SEC16A: variants seen among roughly 807,000 people sequenced by gnomAD.
The protein encoded by SEC16A is protein transport protein Sec16A.
A neutral mutation model predicts 221.9 loss-of-function variants in SEC16A; 110 were observed. The observed-to-expected ratio is 0.50, with a 90% CI of 0.42 to 0.58. The LOEUF is 0.58. Ranked by LOEUF, SEC16A falls within the 20% of genes least tolerant of loss-of-function variation. The pLI is 0.00. For synonymous variants in SEC16A, 1,393 were observed against 1,257.7 expected, an observed-to-expected ratio of 1.11 and a Z score of -2.28; for missense variants, 3,165 against 3,097.8, an observed-to-expected ratio of 1.02 and a Z score of -0.52.
At chr9:136,443,683 G>C in intron 31 of SEC16A, 140 bp downstream of exon 31, 1 of 611,666 alleles carries the variant, frequency 1.6e-6, no homozygotes, top group Middle Eastern at 4.6e-4. Context: ...GCAAGACCCT[G>C]TCTCAATAAA....
At position 136,463,723 on chromosome 9, in the gene SEC16A, C is replaced by T. The variant is rs1052181874; in HGVS notation, c.4464G>A (p.Thr1488=). Residue 1488 remains threonine, a synonymous_variant, in exon 10 of 32, where the codon ACG becomes ACA. Coordinates refer to ENST00000684901, the MANE Select transcript of SEC16A (RefSeq NM_014866.2). Reference sequence around the variant, plus strand: ...ACGCCCGCATCTCCTCCTGCTCAGACGTGTGCTGCAGCAAGGCCTACGAGG... The same window carrying T: ...ACGCCCGCATCTCCTCCTGCTCAGATGTGTGCTGCAGCAAGGCCTACGAGG... ...VHSMEALLQH[T]SEQEEMRAFP... is the part of the protein sequence containing the mutation. 1.4e-5 allele frequency: 22 copies of T among 1,612,098 alleles called. No homozygotes were observed. The highest frequency in any genetic ancestry group is 2.2e-5 in the South Asian group (2 of 91,030).
At chr9:136,482,478 C>T (rs1233416555) in intron 1 of SEC16A, among the ~76,000 whole-genome samples, 1 of 152,258 alleles carries the variant, frequency 6.6e-6, no homozygotes, top group African/African-American at 2.4e-5. Context: ...CCCTCGGCCT[C>T]TGTTGCAACA....
Position 136,475,307 on chromosome 9 carries a change from G to A in SEC16A, c.2309C>T (p.Ser770Leu). 2.5e-6 allele frequency: 4 copies of A among 1,613,254 alleles called. No homozygotes were observed. Among genetic ancestry groups the A allele is most frequent in the Non-Finnish European group, 2.5e-6 (3 of 1,179,586 alleles). The change falls in exon 3 of 32, where the codon TCA becomes TTA. Residue 770 changes from serine to leucine, a missense_variant. Physicochemically the swap from Ser to Leu is moderately radical, Grantham distance 145 (BLOSUM62 -2). This residue lies in a region of SEC16A where 2,030 missense variants were observed against 1,923.1 expected (regional missense o/e 1.06). Transcript: ENST00000684901. This position sits in a 1 kb window ranked among gnomAD's most constrained non-coding sequence, Gnocchi z 5.0. ...CGGGGCCGCCGAGCTTGGGTTCCGT[G>A]ACTGCTGCCCGGACATCGCCTCTTC... ...PPEEAMSGQQ[S>L]RNPSSAAPVQ...
At chr9:136,451,023 G>A (rs993600099) in intron 23 of SEC16A, among the ~76,000 whole-genome samples, 31 of 152,160 alleles carry the variant, frequency 2.0e-4, no homozygotes, top group African/African-American at 6.3e-4. Flanking sequence ...GGCCAGAGGC[G>A]ACCTCTGGGG....
intron 1 of SEC16A, among the ~76,000 whole-genome samples, chr9:136,480,299 G>A (rs1259390433): frequency 6.6e-6 from 1 of 152,164 alleles, no homozygotes; most frequent in African/African-American, 2.4e-5. Context: ...GCCAGAACTG[G>A]GGTCCTACCT....
At position 136,478,690 on chromosome 9, in the gene SEC16A, C is replaced by G. The variant is rs1841957249; in HGVS notation, c.-70+19G>C. Among the ~76,000 whole-genome samples, 1 of 151,746 alleles carries G rather than the reference C, an allele frequency of 6.6e-6. No homozygotes were observed. Among genetic ancestry groups the G allele is most frequent in the Admixed American group, 6.6e-5 (1 of 15,236 alleles). ...GTCTCTACAAAAGAAGAAAGTTAGC[C>G]AGACATGGTGGCACACACCTGTAGT... On this transcript the variant is annotated intron_variant, in intron 2 of 31. Transcript: ENST00000684901.
chr9:136,477,106 A>G lies in SEC16A; in HGVS notation c.510T>C (p.Ser170=). The G allele has an allele frequency of 6.2e-7, 1 of 1,613,786 alleles. No homozygotes were observed. The highest frequency in any genetic ancestry group is 8.5e-7 in the Non-Finnish European group (1 of 1,179,870). ...HYIPGVDPET[S]HGGHPHGNMP... ...TGTTCCCATGAGGGTGGCCCCCATG[A>G]GACGTTTCAGGATCCACTCCTGGAA... is the stretch of plus-strand genomic sequence containing the variant. The change falls in exon 3 of 32, where the codon TCT becomes TCC. Residue 170 remains serine, a synonymous_variant. Transcript: ENST00000684901.
In SEC16A at chr9:136,475,183, A is replaced by G. The variant is rs1425514067; in HGVS notation, c.2433T>C (p.Tyr811=). The G allele has an allele frequency of 3.1e-6, 5 of 1,613,730 alleles. No homozygotes were observed. The African/African-American group carries it at 4.0e-5, about 13-fold the overall frequency. The stretch of plus-strand genomic sequence containing the variant: ...TGGGCGGTGAGGATAATAAACTTGC[A>G]TAACCAGAACTCGCCTGGGACTGAA... ...EALQSQASSG[Y]ASLLSSPPTE... is the part of the protein sequence containing the mutation. Residue 811 remains tyrosine, a synonymous_variant, in exon 3 of 32, where the codon TAT becomes TAC. Coordinates refer to ENST00000684901, the MANE Select transcript of SEC16A (RefSeq NM_014866.2). This position sits in a 1 kb window ranked among gnomAD's most constrained non-coding sequence, Gnocchi z 5.0.
In SEC16A at chr9:136,454,145, T is replaced by C. The variant is rs1838271057; in HGVS notation, c.6040A>G (p.Arg2014Gly). The change falls in exon 21 of 32, where the codon AGA (arginine) becomes GGA (glycine). Residue 2014 changes from arginine to glycine, a missense_variant. Arg to Gly is a moderately radical substitution (Grantham distance 125). Coordinates refer to ENST00000684901, the MANE Select transcript of SEC16A (RefSeq NM_014866.2). ...PPGVPPLQER[R>G]HLLQEARSPD... is the part of the protein sequence containing the mutation. ...CTCCTGGCTTCCTGGAGCAAGTGTC[T>C]CCTTTCCTGCAGAGGTGGCACACCA... 6.4e-7 allele frequency: 1 copy of C among 1,554,220 alleles called. No individual in the cohort carries two copies. Among genetic ancestry groups the C allele is most frequent in the Non-Finnish European group, 8.7e-7 (1 of 1,148,660 alleles).
rs1840220202 is a variant in SEC16A, at chr9:136,466,776, C to T, written c.3929+181G>A. On this transcript the variant is annotated intron_variant, in intron 6 of 31. Transcript: ENST00000684901. This position sits in a 1 kb window ranked among gnomAD's most constrained non-coding sequence, Gnocchi z 5.5. ...CTGAGGCCAGTTCTCCTCTAACAGTCCAAGCTGGGAACCCTGGGAGGGTCT... is the reference window on the plus strand; with the variant it reads ...CTGAGGCCAGTTCTCCTCTAACAGTTCAAGCTGGGAACCCTGGGAGGGTCT... Among the ~76,000 whole-genome samples, 1 of 152,226 alleles carries T rather than the reference C, an allele frequency of 6.6e-6. No homozygotes were observed. Among genetic ancestry groups the T allele is most frequent in the South Asian group, 2.1e-4 (1 of 4,834 alleles).
In SEC16A at chr9:136,475,283, G is replaced by A. The variant is rs371427184; in HGVS notation, c.2333C>T (p.Pro778Leu). The A allele has an allele frequency of 2.4e-5, 38 of 1,613,382 alleles. No homozygotes were observed. Among genetic ancestry groups the A allele is most frequent in the African/African-American group, 1.5e-4 (11 of 75,038 alleles). ...ACCAATGCCACCTCGGCTCTGCACCGGGGCCGCCGAGCTTGGGTTCCGTGA... is the reference window on the plus strand; with the variant it reads ...ACCAATGCCACCTCGGCTCTGCACCAGGGCCGCCGAGCTTGGGTTCCGTGA... ...QQSRNPSSAA[P>L]VQSRGGIGAS... Residue 778 changes from proline to leucine, a missense_variant, in exon 3 of 32, where the codon CCG (proline) becomes CTG (leucine). Coordinates refer to ENST00000684901, the MANE Select transcript of SEC16A (RefSeq NM_014866.2). The surrounding 1 kb of genome is among the most constrained non-coding windows in gnomAD (Gnocchi z 5.0).
In SEC16A at chr9:136,474,691, C is replaced by T. The variant is rs778896140; in HGVS notation, c.2925G>A (p.Val975=). 13 of 1,613,686 alleles carry T rather than the reference C, an allele frequency of 8.1e-6. No individual in the cohort carries two copies. The East Asian group carries it at 1.8e-4, about 22-fold the overall frequency. The change falls in exon 3 of 32, where the codon GTG becomes GTA. Residue 975 remains valine, a synonymous_variant. Coordinates refer to ENST00000684901, the MANE Select transcript of SEC16A (RefSeq NM_014866.2). ...AATGGTTTGCCTTATTACCATCAGGCACCAGGGTGCCGTGTGCAGGTGGAA... is the reference window on the plus strand; with the variant it reads ...AATGGTTTGCCTTATTACCATCAGGTACCAGGGTGCCGTGTGCAGGTGGAA... ...VLVPPAHGTL[V]PDGNKANHSS...
chr9:136,481,958 C>T (rs1046782411), intron 1 of SEC16A, among the ~76,000 whole-genome samples: 3 of 152,096 alleles, frequency 2.0e-5, no homozygotes, highest in Non-Finnish European at 2.9e-5. Context: ...TACCCACTAC[C>T]ATGACCTCTT....
At position 136,447,378 on chromosome 9, in the gene SEC16A, G is replaced by T. The variant is rs1266153427; in HGVS notation, c.6560-14C>A. 5.6e-6 allele frequency: 9 copies of T among 1,597,128 alleles called. No homozygotes were observed. Among genetic ancestry groups the T allele is most frequent in the East Asian group, 2.3e-5 (1 of 44,176 alleles). On this transcript the variant is annotated splice_polypyrimidine_tract_variant and intron_variant, in intron 26 of 31. Coordinates refer to ENST00000684901, the MANE Select transcript of SEC16A (RefSeq NM_014866.2). The surrounding 1 kb of genome is among the most constrained non-coding windows in gnomAD (Gnocchi z 5.5). ...CTCTGGTTCCTGCTGCAAAGGGGAG[G>T]GAAGCAAATTGAGGTGAACGCGCCA... is the stretch of plus-strand genomic sequence containing the variant.
rs756095229 is a variant in SEC16A, at chr9:136,451,401, G to A, written c.6167C>T (p.Ser2056Leu). Residue 2056 changes from serine (S) to leucine (L), a missense_variant, in exon 23 of 32, where the codon TCG becomes TTG. By Grantham distance (145) the Ser-to-Leu change is moderately radical. Transcript: ENST00000684901. ...FDGKFANLTP[S>L]RTVPDSEAPP... ...GGCCTCCGAGTCTGGCACCGTCCTC[G>A]AGGGGGTCTGTCGCAAGGAAATGCA... 8.1e-6 allele frequency: 13 copies of A among 1,603,624 alleles called. No individual in the cohort carries two copies. Among genetic ancestry groups the A allele is most frequent in the East Asian group, 2.2e-5 (1 of 44,814 alleles).
chr9:136,476,239 A>C lies in SEC16A; in HGVS notation c.1377T>G (p.Val459=), dbSNP rs1252848842. 1.2e-6 allele frequency: 2 copies of C among 1,613,522 alleles called. No individual in the cohort carries two copies. The highest frequency in any genetic ancestry group is 1.7e-6 in the Non-Finnish European group (2 of 1,179,906). Residue 459 remains valine, a synonymous_variant, in exon 3 of 32, where the codon GTT becomes GTG. Transcript: ENST00000684901. The part of the protein sequence containing the change: ...PDASGSQYEN[V]ENLEFVQNQE... ...GATTCTGAACAAATTCTAAGTTCTC[A>C]ACATTCTCATACTGCGAGCCGCTGG...
intron 11 of SEC16A, 94 bp downstream of exon 11, chr9:136,463,369 C>T: frequency 7.3e-6 from 11 of 1,506,332 alleles, no homozygotes; most frequent in Admixed American, 1.9e-5. Context: ...GCTGGCCACG[C>T]GGATCCCGCC....
At chr9:136,445,576 G>T in intron 29 of SEC16A, 69 bp downstream of exon 29, 1 of 1,182,744 alleles carries the variant, frequency 8.5e-7, no homozygotes, top group Non-Finnish European at 1.2e-6. Flanking sequence ...CATAAAGGAA[G>T]AGGCGCCTGG....
At position 136,466,257 on chromosome 9, in the gene SEC16A, C is replaced by T. The variant is rs1043927243; in HGVS notation, c.4128+7G>A. The stretch of plus-strand genomic sequence containing the variant: ...CGTCCGCGTGTCTGTGAGGCGCCGC[C>T]GCGTACCTGGTGCGAGTGGGAGCTG... On this transcript the variant is annotated splice_region_variant and intron_variant, in intron 7 of 31. Transcript: ENST00000684901. This position sits in a 1 kb window ranked among gnomAD's most constrained non-coding sequence, Gnocchi z 5.5. The T allele has an allele frequency of 6.3e-6, 10 of 1,584,308 alleles. No individual in the cohort carries two copies. Among genetic ancestry groups the T allele is most frequent in the East Asian group, 2.3e-5 (1 of 43,630 alleles).
Sources: allele counts gnomAD v4.1 joint callset (sites outside exome capture counted in the v4.1 genomes callset), GRCh38; gene constraint gnomAD v4.1.1; regional missense constraint gnomAD v4.1.1; non-coding constraint Gnocchi (gnomAD v3.1); transcripts MANE v1.5; gene names NCBI Gene and HGNC (gene_info 2026-07-23, HGNC 2026-07-21).